BMERB1: variants seen among roughly 807,000 people sequenced by gnomAD.
BMERB1 encodes bMERB domain containing 1.
In BMERB1, 12 loss-of-function variants were observed where a neutral mutation model predicts 23.6. The ratio of observed to expected loss-of-function variants is 0.51; its 90% CI spans 0.33 to 0.82. The LOEUF (loss-of-function observed/expected upper bound fraction) is 0.82. Ranked by LOEUF, BMERB1 falls within the 40% of genes least tolerant of loss-of-function variation. The pLI, the probability that BMERB1 is intolerant of heterozygous loss-of-function variation, is 0.03. For missense variants in BMERB1, 247 were observed against 255.4 expected, an observed-to-expected ratio of 0.97 and a Z score of 0.22; for synonymous variants, 122 against 96.6, an observed-to-expected ratio of 1.26 and a Z score of -1.54.
At chr16:15,526,484 C>A (rs932177752) in intron 2 of BMERB1, among the ~76,000 whole-genome samples, 1 of 151,600 alleles carries the variant, frequency 6.6e-6, no homozygotes, top group Non-Finnish European at 1.5e-5. Flanking sequence ...GCTAACACGG[C>A]GAAACCCCGT....
chr16:15,582,668 C>T (rs927689159), intron 4 of BMERB1, among the ~76,000 whole-genome samples: 1 of 150,902 alleles, frequency 6.6e-6, no homozygotes, highest in Non-Finnish European at 1.5e-5. Context: ...TCTTGAGTTA[C>T]GATTGCACCA....
chr16:15,451,170 CGTTT>C (rs1009309323), intron 1 of BMERB1, among the ~76,000 whole-genome samples: 4 of 152,132 alleles, frequency 2.6e-5, no homozygotes, highest in Admixed American at 6.6e-5. Context: ...TGCAACCTTT[CGTTT>C]GTTTGTTTTG....
intron 1 of BMERB1, among the ~76,000 whole-genome samples, chr16:15,461,891 G>A (rs2051138506): frequency 6.6e-6 from 1 of 151,838 alleles, no homozygotes; most frequent in African/African-American, 2.4e-5. Context: ...CTGTGATTGG[G>A]CCACTGCACT....
chr16:15,466,720 C>CTGTG (rs35112172), intron 1 of BMERB1, among the ~76,000 whole-genome samples: 30 of 150,766 alleles, frequency 2.0e-4, no homozygotes, highest in African/African-American at 7.3e-4. Flanking sequence ...ATGTGTGTGT[C>CTGTG]TGTGTGTGTG....
chr16:15,522,040 T>C (rs1184071839), intron 2 of BMERB1, among the ~76,000 whole-genome samples: 1 of 152,154 alleles, frequency 6.6e-6, no homozygotes, highest in Non-Finnish European at 1.5e-5. Context: ...CTTTTCCACA[T>C]CTAGTCTACC....
intron 2 of BMERB1, among the ~76,000 whole-genome samples, chr16:15,552,770 A>G (rs1393661831): frequency 6.6e-6 from 1 of 152,260 alleles, no homozygotes; most frequent in Non-Finnish European, 1.5e-5. Flanking sequence ...GACACGTAGT[A>G]GGCGCTCAAG....
At chr16:15,523,715 G>A (rs941265568) in intron 2 of BMERB1, among the ~76,000 whole-genome samples, 4 of 152,174 alleles carry the variant, frequency 2.6e-5, no homozygotes, top group African/African-American at 9.7e-5. Context: ...CATAGCAAGG[G>A]ATGAAAACAG....
At chr16:15,544,649 G>A (rs910652305) in intron 2 of BMERB1, among the ~76,000 whole-genome samples, 8 of 152,122 alleles carry the variant, frequency 5.3e-5, no homozygotes, top group East Asian at 3.9e-4. Flanking sequence ...GCAGATTGCC[G>A]GCATCAGACA....
rs1168231315 is a variant in BMERB1 at position 15,582,530 on chromosome 16, C to G, written c.420-626C>G. Among the ~76,000 whole-genome samples, 6 of 152,162 alleles carry G rather than the reference C, an allele frequency of 3.9e-5. No individual in the cohort carries two copies. The East Asian group carries it at 1.2e-3, about 29-fold the overall frequency. On this transcript the variant is annotated intron_variant, in intron 4 of 5. Transcript: ENST00000300006. ...TGGGCAGGCAGACAAGCTGCCCCAA[C>G]ATAGTGAGACCCCCCTATCTCTACA... is the stretch of plus-strand genomic sequence containing the variant.
chr16:15,503,939 T>C (rs1222963217), intron 1 of BMERB1, among the ~76,000 whole-genome samples: 5 of 152,216 alleles, frequency 3.3e-5, no homozygotes, highest in Admixed American at 3.3e-4. Context: ...TCATTGCTCC[T>C]TCCCCATTGC....
At chr16:15,439,907 A>G (rs920234304) in intron 1 of BMERB1, among the ~76,000 whole-genome samples, 8 of 152,002 alleles carry the variant, frequency 5.3e-5, no homozygotes, top group African/African-American at 1.7e-4. Flanking sequence ...GGACAGGGGA[A>G]ATGGAGGAGT....
chr16:15,573,371 C>T (rs2030779911), intron 3 of BMERB1, among the ~76,000 whole-genome samples: 1 of 152,140 alleles, frequency 6.6e-6, no homozygotes, highest in Non-Finnish European at 1.5e-5. Context: ...TTTTATTATT[C>T]CTCAAATCAG....
At chr16:15,577,964 G>C (rs773291906) in intron 3 of BMERB1, among the ~76,000 whole-genome samples, 1 of 152,238 alleles carries the variant, frequency 6.6e-6, no homozygotes, top group Non-Finnish European at 1.5e-5. Context: ...TCTGTTGGGA[G>C]ATGGCCTTTC....
At chr16:15,434,949 C>A (rs991017220) in intron 1 of BMERB1, among the ~76,000 whole-genome samples, 190 bp downstream of exon 1, 1 of 152,242 alleles carries the variant, frequency 6.6e-6, no homozygotes, top group African/African-American at 2.4e-5. Flanking sequence ...AAGGGGGGGA[C>A]CCTCCGGGCT....
At chr16:15,562,783 C>G (rs529581433) in intron 2 of BMERB1, among the ~76,000 whole-genome samples, 1 of 152,196 alleles carries the variant, frequency 6.6e-6, no homozygotes, top group Non-Finnish European at 1.5e-5. Flanking sequence ...GTTGAACGAT[C>G]GCTGATAGAA....
intron 2 of BMERB1, among the ~76,000 whole-genome samples, chr16:15,538,553 T>C (rs1422416911): frequency 1.3e-5 from 2 of 152,188 alleles, no homozygotes; most frequent in Non-Finnish European, 2.9e-5. Context: ...ATGCTCATGC[T>C]GCTGCTTAGA....
chr16:15,468,454 A>G (rs1184143836), intron 1 of BMERB1, among the ~76,000 whole-genome samples: 1 of 151,834 alleles, frequency 6.6e-6, no homozygotes, highest in African/African-American at 2.4e-5. Flanking sequence ...CTGATTGTAA[A>G]TGTTTCAATC....
chr16:15,515,283 G>T (rs181652010), intron 1 of BMERB1, 22 bp from the exon 2 acceptor site: 2 of 1,612,626 alleles, frequency 1.2e-6, no homozygotes, highest in Admixed American at 1.7e-5. Context: ...CCTGATGGTT[G>T]TATTTCCTGT....
At chr16:15,530,077 C>T (rs1176200340) in intron 2 of BMERB1, among the ~76,000 whole-genome samples, 1 of 152,158 alleles carries the variant, frequency 6.6e-6, no homozygotes, top group Non-Finnish European at 1.5e-5. Context: ...TGTTTCCCTC[C>T]TCCATCTCCG....
Sources: allele counts gnomAD v4.1 joint callset (sites outside exome capture counted in the v4.1 genomes callset), GRCh38; gene constraint gnomAD v4.1.1; transcripts MANE v1.5; gene names NCBI Gene and HGNC (gene_info 2026-07-23, HGNC 2026-07-21).